CNTN3: variants seen among roughly 807,000 people sequenced by gnomAD.
CNTN3 encodes the protein contactin 3, also known as contactin-3.
Under a neutral mutation model 119.1 loss-of-function variants are expected in CNTN3, and 60 were observed. The observed-to-expected ratio is 0.50, with a 90% confidence interval of 0.41 to 0.62. CNTN3 has a LOEUF of 0.62. Ranked by LOEUF, CNTN3 falls within the 20% of genes least tolerant of loss-of-function variation. The probability of loss-of-function intolerance (pLI) is 0.00; values close to 1 mark genes in which losing one functional copy is unlikely to be tolerated. For missense variants in CNTN3, 1,101 were observed against 1,242.4 expected, an observed-to-expected ratio of 0.89 and a Z score of 1.71; for synonymous variants, 450 against 438.7, an observed-to-expected ratio of 1.03 and a Z score of -0.32.
intron 4 of CNTN3, among the ~76,000 whole-genome samples, chr3:74,450,211 T>C (rs1183613445): frequency 6.6e-6 from 1 of 152,092 alleles, no homozygotes; most frequent in African/African-American, 2.4e-5. Context: ...ATTTAAAAAA[T>C]ACATGTGTTT....
chr3:74,408,590 A>G (rs1701382196), intron 5 of CNTN3, among the ~76,000 whole-genome samples: 1 of 152,150 alleles, frequency 6.6e-6, no homozygotes, highest in African/African-American at 2.4e-5. Flanking sequence ...CCAGATCTCG[A>G]GGGCCATTCT....
intron 4 of CNTN3, among the ~76,000 whole-genome samples, chr3:74,454,469 T>A (rs1385092926): frequency 6.6e-6 from 1 of 152,058 alleles, no homozygotes; most frequent in Non-Finnish European, 1.5e-5. Context: ...TTATCCAATT[T>A]GCCAGTCTGT....
At chr3:74,575,606 A>AACACACACACACAG (rs1553682847) in intron 1 of CNTN3, among the ~76,000 whole-genome samples, 1 of 135,098 alleles carries the variant, frequency 7.4e-6, no homozygotes, top group Non-Finnish European at 1.6e-5. Flanking sequence ...AGTCTCTCCC[A>AACACACACACACAG]ACACACACAC....
intron 11 of CNTN3, among the ~76,000 whole-genome samples, chr3:74,343,246 C>A (rs1004353153): frequency 1.3e-5 from 2 of 152,208 alleles, no homozygotes; most frequent in African/African-American, 4.8e-5. Context: ...CAGGCCCTCC[C>A]CATAAGGGCA....
At chr3:74,592,999 A>G (rs1449479386) in intron 1 of CNTN3, among the ~76,000 whole-genome samples, 1 of 152,014 alleles carries the variant, frequency 6.6e-6, no homozygotes, top group East Asian at 1.9e-4. Context: ...TTAGCTTTGT[A>G]AAATATAAAC....
chr3:74,380,376 G>C (rs967087162), intron 5 of CNTN3, among the ~76,000 whole-genome samples: 4 of 152,186 alleles, frequency 2.6e-5, no homozygotes, highest in African/African-American at 9.7e-5. Flanking sequence ...TTGCCAGACT[G>C]GCACTTTCCT....
In CNTN3 at chr3:74,369,704, G is replaced by A. The variant is rs76723508; in HGVS notation, c.761+185C>T. On this transcript the variant is annotated intron_variant, in intron 7 of 22. Transcript: ENST00000263665. ...CAGGCAGAGTAATTTTCTTCAAATC[G>A]ACTTTGAATATTAAAGTTTCAAACT... 1.2e-3 allele frequency among the ~76,000 whole-genome samples: 175 copies of A among 148,128 alleles called. 3 individuals are homozygous for A. The East Asian group carries it at 0.028, about 24-fold the overall frequency.
At chr3:74,346,773 CCATCCA>C (rs1703699930) in intron 11 of CNTN3, among the ~76,000 whole-genome samples, 1 of 151,888 alleles carries the variant, frequency 6.6e-6, no homozygotes, top group Admixed American at 6.6e-5. Flanking sequence ...ATCCATCCAT[CCATCCA>C]TCCATCCATC....
chr3:74,393,963 A>G (rs1441142583), intron 5 of CNTN3, among the ~76,000 whole-genome samples: 3 of 152,250 alleles, frequency 2.0e-5, no homozygotes, highest in African/African-American at 4.8e-5. Flanking sequence ...AAAAATCTCA[A>G]TAACAAAAAG....
chr3:74,466,938 T>A (rs1452384565), intron 4 of CNTN3, among the ~76,000 whole-genome samples: 1 of 152,124 alleles, frequency 6.6e-6, no homozygotes, highest in African/African-American at 2.4e-5. Flanking sequence ...ATAAAGAAGA[T>A]AACTGATTAG....
intron 4 of CNTN3, among the ~76,000 whole-genome samples, chr3:74,438,541 T>C (rs886613450): frequency 7.9e-5 from 12 of 152,228 alleles, no homozygotes; most frequent in African/African-American, 2.9e-4. Flanking sequence ...ATTATTGCTT[T>C]CTCCTTTGAG....
At chr3:74,358,206 C>T (rs1703985474) in intron 11 of CNTN3, among the ~76,000 whole-genome samples, 1 of 152,118 alleles carries the variant, frequency 6.6e-6, no homozygotes, top group African/African-American at 2.4e-5. Context: ...ATTGGAACAC[C>T]ATGGACCTCT....
At chr3:74,267,508 T>C (rs576231403) in intron 20 of CNTN3, 130 bp from the exon 21 acceptor site, 19 of 607,384 alleles carry the variant, frequency 3.1e-5, no homozygotes, top group African/African-American at 7.3e-5. Context: ...CTTGGTGTAA[T>C]AGATGAAATC....
At chr3:74,480,911 T>C (rs547255639) in intron 4 of CNTN3, among the ~76,000 whole-genome samples, 6 of 151,780 alleles carry the variant, frequency 4.0e-5, no homozygotes, top group Non-Finnish European at 8.8e-5. Flanking sequence ...GTAGGATGTA[T>C]AACATCCAGT....
At chr3:74,336,701 T>A in intron 11 of CNTN3, 43 bp from the exon 12 acceptor site, 9 of 1,454,972 alleles carry the variant, frequency 6.2e-6, no homozygotes, top group Non-Finnish European at 8.4e-6. Flanking sequence ...ATAATAGCCA[T>A]TTTTTTTCCA....
intron 1 of CNTN3, among the ~76,000 whole-genome samples, chr3:74,551,923 C>T (rs1703998234): frequency 6.6e-6 from 1 of 151,330 alleles, no homozygotes; most frequent in South Asian, 2.1e-4. Flanking sequence ...GTCACCACAC[C>T]CCGGTAATTT....
chr3:74,267,178 T>C, intron 21 of CNTN3, 88 bp downstream of exon 21: 1 of 739,252 alleles, frequency 1.4e-6, no homozygotes, highest in South Asian at 1.7e-5. Flanking sequence ...ACCATATCAA[T>C]ATATAGAAAA....
At chr3:74,441,525 T>C (rs1701966355) in intron 4 of CNTN3, among the ~76,000 whole-genome samples, 1 of 152,178 alleles carries the variant, frequency 6.6e-6, no homozygotes, top group African/African-American at 2.4e-5. Context: ...CATGGATACA[T>C]TAGTTTAGTA....
intron 4 of CNTN3, among the ~76,000 whole-genome samples, chr3:74,438,352 C>A (rs1028225860): frequency 6.6e-6 from 1 of 152,106 alleles, no homozygotes; most frequent in African/African-American, 2.4e-5. Flanking sequence ...ATGAAGATAA[C>A]ATAACGTGTT....
Sources: gnomAD v4.1 joint callset for allele counts (sites outside exome capture counted in the v4.1 genomes callset) on GRCh38, gnomAD v4.1.1 for gene constraint, MANE v1.5 for transcripts, NCBI Gene and HGNC (gene_info 2026-07-23, HGNC 2026-07-21) for gene names.